Variants in FGGY observed in about 807,000 individuals in gnomAD.
FGGY encodes FGGY carbohydrate kinase domain-containing protein.
A neutral mutation model predicts 71.3 loss-of-function variants in FGGY; 72 were observed. That is an observed-to-expected ratio of 1.01 (90% CI 0.84 to 1.23). The LOEUF (loss-of-function observed/expected upper bound fraction) is 1.23, where lower values mean the gene tolerates loss of function less well. Among genes scored for constraint, FGGY ranks in the 50% most tolerant of loss-of-function variants. The probability of loss-of-function intolerance (pLI) is 0.00; values close to 1 mark genes in which losing one functional copy is unlikely to be tolerated. For synonymous variants in FGGY, 251 were observed against 250.3 expected, an observed-to-expected ratio of 1.00 and a Z score of -0.02; for missense variants, 668 against 682.3, an observed-to-expected ratio of 0.98 and a Z score of 0.23.
chr1:59,546,950 C>CT (rs761977942), intron 7 of FGGY, among the ~76,000 whole-genome samples: 23,198 of 115,172 alleles, frequency 0.2, 2,995 homozygotes, highest in South Asian at 0.35. Flanking sequence ...ACCTTTTTGA[C>CT]TTTTTTTTTT....
At chr1:59,480,801 CAG>C (rs2093440285) in intron 6 of FGGY, among the ~76,000 whole-genome samples, 1 of 152,114 alleles carries the variant, frequency 6.6e-6, no homozygotes, top group South Asian at 2.1e-4. Context: ...AGGGAGGAAA[CAG>C]AGAAGTAGGC....
intron 5 of FGGY, among the ~76,000 whole-genome samples, chr1:59,452,711 A>G (rs2091305059): frequency 6.6e-6 from 1 of 152,218 alleles, no homozygotes; most frequent in African/African-American, 2.4e-5. Context: ...CTGCCCTGGC[A>G]CTTGGGCTGG....
chr1:59,381,622 A>G (rs940680436), intron 5 of FGGY, among the ~76,000 whole-genome samples: 3 of 144,610 alleles, frequency 2.1e-5, no homozygotes, highest in Admixed American at 6.8e-5. Context: ...TGTGTGATGT[A>G]TAACTCGTGT....
intron 4 of FGGY, among the ~76,000 whole-genome samples, chr1:59,373,695 G>T (rs1178776003): frequency 6.6e-5 from 10 of 152,210 alleles, no homozygotes; most frequent in African/African-American, 2.4e-4. Context: ...CATGGTACTG[G>T]TACCAAAACA....
intron 15 of FGGY, among the ~76,000 whole-genome samples, chr1:59,758,783 G>A (rs1418492075): frequency 6.6e-6 from 1 of 152,182 alleles, no homozygotes; most frequent in Non-Finnish European, 1.5e-5. Flanking sequence ...AGTATGAGAT[G>A]GGGAATGGCA....
intron 6 of FGGY, among the ~76,000 whole-genome samples, chr1:59,508,378 C>A (rs2094444686): frequency 2.0e-5 from 3 of 152,196 alleles, no homozygotes; most frequent in Middle Eastern, 3.2e-3. Flanking sequence ...TGTTAAAATG[C>A]ATGAATGAAT....
intron 6 of FGGY, among the ~76,000 whole-genome samples, chr1:59,464,680 AT>A (rs2092496088): frequency 6.6e-6 from 1 of 152,200 alleles, no homozygotes. Flanking sequence ...AAAAAATAAT[AT>A]AGGAGATATC....
intron 11 of FGGY, among the ~76,000 whole-genome samples, chr1:59,654,770 A>G (rs879314508): frequency 6.6e-5 from 10 of 152,206 alleles, no homozygotes; most frequent in Admixed American, 3.9e-4. Context: ...AATCTAGAGT[A>G]GGATCCCAGG....
At chr1:59,730,772 A>T (rs1230167486) in intron 14 of FGGY, among the ~76,000 whole-genome samples, 1 of 152,192 alleles carries the variant, frequency 6.6e-6, no homozygotes, top group African/African-American at 2.4e-5. Flanking sequence ...ATTGCCAGAG[A>T]AGAAAACCAT....
At chr1:59,308,451 C>T (rs1029914583) in intron 1 of FGGY, among the ~76,000 whole-genome samples, 8 of 152,192 alleles carry the variant, frequency 5.3e-5, no homozygotes, top group African/African-American at 1.9e-4. Context: ...GGTAAATGGC[C>T]TCCAAACCTC....
chr1:59,443,692 G>A (rs2070531406), intron 5 of FGGY, among the ~76,000 whole-genome samples: 1 of 152,208 alleles, frequency 6.6e-6, no homozygotes, highest in Admixed American at 6.5e-5. Flanking sequence ...AAAATGAGTT[G>A]ACACTGGAAG....
At chr1:59,559,645 A>G (rs61788861) in intron 8 of FGGY, among the ~76,000 whole-genome samples, 8,829 of 152,182 alleles carry the variant, frequency 0.058, 429 homozygotes, top group South Asian at 0.2. Flanking sequence ...GAAATAGTTG[A>G]TTTTAGGATT....
chr1:59,298,273 C>A (rs1162782038), intron 1 of FGGY, among the ~76,000 whole-genome samples: 1 of 152,160 alleles, frequency 6.6e-6, no homozygotes, highest in African/African-American at 2.4e-5. Flanking sequence ...GGCCACTGGC[C>A]TGGCTCTTGG....
intron 14 of FGGY, among the ~76,000 whole-genome samples, chr1:59,687,940 C>T (rs191957036): frequency 2.0e-5 from 3 of 152,326 alleles, no homozygotes; most frequent in Non-Finnish European, 4.4e-5. Flanking sequence ...TTCTCCTCCT[C>T]TCCCTGTTGG....
chr1:59,334,184 C>T (rs2049022814), intron 2 of FGGY, among the ~76,000 whole-genome samples: 1 of 152,096 alleles, frequency 6.6e-6, no homozygotes, highest in African/African-American at 2.4e-5. Flanking sequence ...ATTCTGTCGC[C>T]CAGGCTGGAG....
intron 7 of FGGY, among the ~76,000 whole-genome samples, chr1:59,525,095 A>G (rs2094940665): frequency 6.6e-6 from 1 of 152,178 alleles, no homozygotes; most frequent in Admixed American, 6.5e-5. Flanking sequence ...GGGTGCCCAT[A>G]GCAGAAGCCC....
At chr1:59,522,920 T>C (rs1002253405) in intron 7 of FGGY, among the ~76,000 whole-genome samples, 5 of 152,208 alleles carry the variant, frequency 3.3e-5, no homozygotes, top group African/African-American at 1.2e-4. Context: ...CCAGAGCCTC[T>C]CATTTTAAAC....
intron 14 of FGGY, among the ~76,000 whole-genome samples, chr1:59,700,294 T>C (rs1219191928): frequency 6.6e-6 from 1 of 152,214 alleles, no homozygotes; most frequent in Non-Finnish European, 1.5e-5. Flanking sequence ...TATCTCTCTG[T>C]AAATAATGAT....
intron 4 of FGGY, among the ~76,000 whole-genome samples, chr1:59,363,169 C>A (rs1365299625): frequency 3.3e-5 from 5 of 152,182 alleles, no homozygotes; most frequent in Non-Finnish European, 5.9e-5. Flanking sequence ...ATTCGGCTAA[C>A]AATCCTATGA....
Sources: allele counts gnomAD v4.1 joint callset (sites outside exome capture counted in the v4.1 genomes callset), GRCh38; gene constraint gnomAD v4.1.1; transcripts MANE v1.5; gene names NCBI Gene and HGNC (gene_info 2026-07-23, HGNC 2026-07-21).